Variants in RECK observed in about 807,000 individuals in gnomAD.
RECK encodes reversion-inducing cysteine-rich protein with Kazal motifs.
A neutral mutation model predicts 115.1 loss-of-function variants in RECK; 69 were observed. The ratio of observed to expected loss-of-function variants is 0.60; its 90% CI spans 0.49 to 0.73. RECK has a LOEUF of 0.73. Among genes scored for constraint, RECK ranks in the 30% least tolerant of loss-of-function variants. The probability of loss-of-function intolerance (pLI) is 0.00; values close to 1 mark genes in which losing one functional copy is unlikely to be tolerated. For missense variants in RECK, 1,047 were observed against 1,203.7 expected, an observed-to-expected ratio of 0.87 and a Z score of 1.93; for synonymous variants, 414 against 419.7, an observed-to-expected ratio of 0.99 and a Z score of 0.17.
chr9:36,073,185 C>T (rs1269902326), intron 6 of RECK, among the ~76,000 whole-genome samples: 1 of 150,592 alleles, frequency 6.6e-6, no homozygotes, highest in African/African-American at 2.4e-5. Context: ...TTCTGCCTCC[C>T]CTTCCCTCCC....
At chr9:36,105,900 C>A (rs763353115) in intron 13 of RECK, among the ~76,000 whole-genome samples, 17 of 152,132 alleles carry the variant, frequency 1.1e-4, no homozygotes, top group Non-Finnish European at 1.9e-4. Flanking sequence ...GAGAATGTTT[C>A]TTTATCATGT....
chr9:36,067,492 G>A (rs1822053942), intron 6 of RECK, among the ~76,000 whole-genome samples: 1 of 152,096 alleles, frequency 6.6e-6, no homozygotes, highest in Non-Finnish European at 1.5e-5. Context: ...CTTTTGAAGG[G>A]ATTTGCTAAG....
chr9:36,057,447 T>C (rs1350072736), intron 2 of RECK, among the ~76,000 whole-genome samples: 4 of 152,222 alleles, frequency 2.6e-5, no homozygotes, highest in Non-Finnish European at 5.9e-5. Context: ...GGACTTTTCT[T>C]GCTTATTTGC....
rs2132682399 is a variant in RECK, at chr9:36,123,461, G to GTTTACAGATAA, written c.*419_*429dup. ...TTAAGGTTCCCGTTGCATTTGTTTT[G>GTTTACAGATAA]TTTACAGATAATTACCTACTCTGGC... On this transcript the variant is annotated 3_prime_UTR_variant, in exon 21 of 21. Coordinates refer to ENST00000377966, the MANE Select transcript of RECK (RefSeq NM_021111.3). The GTTTACAGATAA allele has an allele frequency of 1.3e-5, 2 of 156,632 alleles. No individual in the cohort carries two copies. Among genetic ancestry groups the GTTTACAGATAA allele is most frequent in the East Asian group, 3.8e-4 (2 of 5,276 alleles). The allele number at this position is 156,632 out of a possible 1,614,324, so 9.7% of individuals were successfully genotyped here. A position where few individuals can be genotyped will look rare whatever the true frequency, so the allele number is the denominator to read the frequency against.
At chr9:36,115,266 G>A (rs1824215526) in intron 16 of RECK, among the ~76,000 whole-genome samples, 1 of 151,950 alleles carries the variant, frequency 6.6e-6, no homozygotes, top group South Asian at 2.1e-4. Flanking sequence ...AGTAAGCTGA[G>A]ATCACGCCAC....
intron 13 of RECK, 55 bp from the exon 14 acceptor site, chr9:36,107,921 T>C (rs1046887927): frequency 2.3e-6 from 3 of 1,285,668 alleles, no homozygotes; most frequent in Admixed American, 4.3e-5. Context: ...TCTAATGTTA[T>C]AAAACAATGT....
chr9:36,088,195 T>G (rs1472251247), intron 9 of RECK, among the ~76,000 whole-genome samples: 1 of 152,220 alleles, frequency 6.6e-6, no homozygotes, highest in Non-Finnish European at 1.5e-5. Context: ...AGGATTAGCA[T>G]TGGCAGGGTA....
At chr9:36,077,225 G>A (rs890201614) in intron 6 of RECK, among the ~76,000 whole-genome samples, 3 of 152,046 alleles carry the variant, frequency 2.0e-5, no homozygotes, top group Non-Finnish European at 4.4e-5. Context: ...GAGTGAATAC[G>A]AACCCTCAGT....
At chr9:36,072,690 G>A (rs1822279684) in intron 6 of RECK, 1 of 152,204 alleles carries the variant, frequency 6.6e-6, no homozygotes, top group African/African-American at 2.4e-5. Context: ...GTAGATTTGA[G>A]CCGTTACCTG....
At chr9:36,048,986 G>C (rs531521218) in intron 1 of RECK, among the ~76,000 whole-genome samples, 58 of 152,184 alleles carry the variant, frequency 3.8e-4, no homozygotes, top group African/African-American at 1.3e-3. Context: ...GACCCCCTCA[G>C]GTTCAATAAT....
rs1822645996 is a variant in RECK at position 36,080,595 on chromosome 9, C to T, written c.406-10C>T. The T allele has an allele frequency of 6.2e-7, 1 of 1,601,360 alleles. No homozygotes were observed. Among genetic ancestry groups the T allele is most frequent in the African/African-American group, 1.3e-5 (1 of 74,690 alleles). On this transcript the variant is annotated splice_polypyrimidine_tract_variant and intron_variant, in intron 6 of 20. Transcript: ENST00000377966. ...TAATTTCTGTTTATTTGTTTTTCTTCAATTTACAGAATGCTCTTTTCAGTT... is the reference window on the plus strand; with the variant it reads ...TAATTTCTGTTTATTTGTTTTTCTTTAATTTACAGAATGCTCTTTTCAGTT...
At chr9:36,048,306 A>G (rs377573945) in intron 1 of RECK, among the ~76,000 whole-genome samples, 1 of 151,592 alleles carries the variant, frequency 6.6e-6, no homozygotes, top group Non-Finnish European at 1.5e-5. Flanking sequence ...GCGCTCTACA[A>G]CAGTTACATG....
chr9:36,115,334 A>G (rs992585824), intron 16 of RECK, among the ~76,000 whole-genome samples: 135 of 150,772 alleles, frequency 9.0e-4, no homozygotes, highest in African/African-American at 3.1e-3. Context: ...TAATAATAAT[A>G]ATAATAATTG....
chr9:36,062,977 A>T (rs1246258231), intron 4 of RECK, among the ~76,000 whole-genome samples: 1 of 152,018 alleles, frequency 6.6e-6, no homozygotes, highest in Non-Finnish European at 1.5e-5. Flanking sequence ...TCTACTAAAA[A>T]TACAAAAATT....
intron 6 of RECK, among the ~76,000 whole-genome samples, chr9:36,074,953 A>C (rs1394564518): frequency 6.6e-6 from 1 of 152,206 alleles, no homozygotes; most frequent in Non-Finnish European, 1.5e-5. Flanking sequence ...TCTGTCTACA[A>C]TCAGATGGCA....
chr9:36,043,331 C>T (rs1564096398), intron 1 of RECK, among the ~76,000 whole-genome samples: 2 of 150,372 alleles, frequency 1.3e-5, no homozygotes, highest in Non-Finnish European at 3.0e-5. Flanking sequence ...CGTGAGCCAC[C>T]GAGTCCGGCT....
rs577665197 is a variant in RECK at position 36,045,515 on chromosome 9, GTA to G, written c.101-6746_101-6745del. Among the ~76,000 whole-genome samples the G allele has an allele frequency of 4.9e-3, 748 of 151,156 alleles. 8 individuals are homozygous for G. Among genetic ancestry groups the G allele is most frequent in the African/African-American group, 0.017 (691 of 41,134 alleles). On this transcript the variant is annotated intron_variant, in intron 1 of 20. Transcript: ENST00000377966. The stretch of plus-strand genomic sequence containing the variant: ...CGTGCACACACACACATCTATGTAT[GTA>G]TATGTGTGTGTATATATATATTTAT...
chr9:36,058,770 CTCT>C (rs1821638072), intron 2 of RECK, 54 bp from the exon 3 acceptor site: 5 of 1,246,012 alleles, frequency 4.0e-6, no homozygotes, highest in Non-Finnish European at 5.6e-6. Flanking sequence ...TAAGTTTTAC[CTCT>C]TCTTATTTCT....
rs745736198 is a variant in RECK at position 36,112,362 on chromosome 9, C to G, written c.1946C>G (p.Thr649Ser). 1 of 1,613,822 alleles carries G rather than the reference C, an allele frequency of 6.2e-7. No homozygotes were observed. The highest frequency in any genetic ancestry group is 1.3e-5 in the African/African-American group (1 of 75,042). The stretch of plus-strand genomic sequence containing the variant: ...CCTGTATGTGGGCAGAATGGGCGCA[C>G]TTACCCCAGTGCCTGCATTGCTCGC... Reference protein sequence around the residue: ...FVPVCGQNGRTYPSACIARCV... With the variant: ...FVPVCGQNGRSYPSACIARCV... The change falls in exon 16 of 21, where the codon ACT becomes AGT. Residue 649 changes from threonine to serine, a missense_variant. Physicochemically the swap from Thr to Ser is moderately conservative, Grantham distance 58. Coordinates refer to ENST00000377966, the MANE Select transcript of RECK (RefSeq NM_021111.3).
Sources: allele counts gnomAD v4.1 joint callset (sites outside exome capture counted in the v4.1 genomes callset), GRCh38; gene constraint gnomAD v4.1.1; transcripts MANE v1.5; gene names NCBI Gene and HGNC (gene_info 2026-07-23, HGNC 2026-07-21).